The following TSPAN18 variants were observed in gnomAD, a reference collection of about 807,000 sequenced individuals.
TSPAN18 encodes the protein tetraspanin 18.
A neutral mutation model predicts 27.3 loss-of-function variants in TSPAN18; 14 were observed. That is an observed-to-expected ratio of 0.51 (90% CI 0.34 to 0.80). The LOEUF (loss-of-function observed/expected upper bound fraction) is 0.80. Among genes scored for constraint, TSPAN18 ranks in the 30% least tolerant of loss-of-function variants. TSPAN18 has a pLI of 0.01. For synonymous variants in TSPAN18, 143 were observed against 136.5 expected (o/e 1.05, Z -0.33); for missense variants, 268 against 323.9 (o/e 0.83, Z 1.32).
chr11:44,766,717 A>G (rs1855575796), intron 2 of TSPAN18, among the ~76,000 whole-genome samples: 2 of 152,250 alleles, frequency 1.3e-5, no homozygotes, highest in South Asian at 4.1e-4. Context: ...TAAACATTAT[A>G]GCATCACAGG....
intron 2 of TSPAN18, among the ~76,000 whole-genome samples, chr11:44,804,142 G>A (rs1856541818): frequency 6.6e-6 from 1 of 150,982 alleles, no homozygotes; most frequent in Admixed American, 6.6e-5. Flanking sequence ...TCGCTCTGTC[G>A]CCCAGAGCTG....
At chr11:44,763,964 A>G (rs781778554) in intron 1 of TSPAN18, among the ~76,000 whole-genome samples, 8 of 152,170 alleles carry the variant, frequency 5.3e-5, no homozygotes, top group Non-Finnish European at 1.0e-4. Context: ...GCATGACAGC[A>G]TCTGCTTCTG....
At chr11:44,731,633 T>TGTGTGTGTGTGAGAGAGAGAGAGAGA (rs139154582) in intron 1 of TSPAN18, among the ~76,000 whole-genome samples, 1 of 107,384 alleles carries the variant, frequency 9.3e-6, no homozygotes, top group African/African-American at 3.5e-5. Context: ...TGTGTGTGTG[T>TGTGTGTGTGTGAGAGAGAGAGAGAGA]GAGAGAGAGA....
At chr11:44,847,788 A>T (rs1320128103) in intron 2 of TSPAN18, among the ~76,000 whole-genome samples, 1 of 152,122 alleles carries the variant, frequency 6.6e-6, no homozygotes, top group Non-Finnish European at 1.5e-5. Flanking sequence ...AGGGGTTTGA[A>T]GATTAAATGA....
At chr11:44,788,451 T>C (rs903497339) in intron 2 of TSPAN18, among the ~76,000 whole-genome samples, 2 of 149,096 alleles carry the variant, frequency 1.3e-5, no homozygotes, top group African/African-American at 5.0e-5. Context: ...GTTTTCTTTT[T>C]TTCTCTTTTT....
intron 9 of TSPAN18, 31 bp from the exon 10 acceptor site, chr11:44,929,100 G>A (rs1860474231): frequency 2.5e-6 from 4 of 1,612,364 alleles, no homozygotes; most frequent in Admixed American, 3.3e-5. Context: ...AGCCTGATAA[G>A]CCAGTTCCTG....
intron 3 of TSPAN18, among the ~76,000 whole-genome samples, chr11:44,891,040 A>G (rs1858832669): frequency 6.6e-6 from 1 of 152,110 alleles, no homozygotes. Context: ...GCATAGTGGC[A>G]TGCATCTGGA....
chr11:44,806,499 A>T (rs909335789), intron 2 of TSPAN18, among the ~76,000 whole-genome samples: 1 of 152,194 alleles, frequency 6.6e-6, no homozygotes, highest in African/African-American at 2.4e-5. Flanking sequence ...CTTCAGCTCA[A>T]CTTGCACTAG....
chr11:44,779,912 T>C (rs998969660), intron 2 of TSPAN18, among the ~76,000 whole-genome samples: 1 of 152,136 alleles, frequency 6.6e-6, no homozygotes, highest in Non-Finnish European at 1.5e-5. Flanking sequence ...CCCACATCCC[T>C]GTGCACAACT....
chr11:44,904,122 T>C (rs1293231593), intron 3 of TSPAN18, among the ~76,000 whole-genome samples: 1 of 151,970 alleles, frequency 6.6e-6, no homozygotes, highest in East Asian at 1.9e-4. Context: ...GAGCCTGGAG[T>C]CCCTGGGTCA....
chr11:44,730,459 C>T (rs1854625153), intron 1 of TSPAN18, among the ~76,000 whole-genome samples: 1 of 152,020 alleles, frequency 6.6e-6, no homozygotes, highest in Admixed American at 6.6e-5. Flanking sequence ...CCTTGGAAAC[C>T]AGCACTCTGG....
chr11:44,827,335 C>T (rs1857065246), intron 2 of TSPAN18, among the ~76,000 whole-genome samples: 1 of 152,260 alleles, frequency 6.6e-6, no homozygotes, highest in Non-Finnish European at 1.5e-5. Flanking sequence ...GCCTTGGGTA[C>T]CTTGAGCCAT....
At chr11:44,881,658 T>C (rs1251934974) in intron 3 of TSPAN18, among the ~76,000 whole-genome samples, 3 of 152,156 alleles carry the variant, frequency 2.0e-5, no homozygotes, top group African/African-American at 7.2e-5. Flanking sequence ...TGCCAGGCAC[T>C]GTTCAGACAC....
chr11:44,927,692 A>G (rs1860419067), intron 9 of TSPAN18, among the ~76,000 whole-genome samples: 1 of 152,196 alleles, frequency 6.6e-6, no homozygotes, highest in Admixed American at 6.5e-5. Flanking sequence ...CATGGAGGGC[A>G]ACAATGAACA....
intron 2 of TSPAN18, among the ~76,000 whole-genome samples, chr11:44,796,412 C>T (rs1315580826): frequency 6.6e-6 from 1 of 152,078 alleles, no homozygotes; most frequent in African/African-American, 2.4e-5. Flanking sequence ...CCTCCATTGC[C>T]ATGGAAGAAT....
Position 44,931,849 on chromosome 11 carries a change from TTTC to T in TSPAN18, c.*2674_*2676del, listed in dbSNP as rs1338138683. 6.6e-6 allele frequency: 1 copy of T among 152,128 alleles called. No homozygotes were observed. The highest frequency in any genetic ancestry group is 1.5e-5 in the Non-Finnish European group (1 of 68,052). The allele number at this position is 152,128 out of a possible 1,614,324, so 9.4% of individuals were successfully genotyped here. A position where few individuals can be genotyped will look rare whatever the true frequency, so the allele number is the denominator to read the frequency against. On this transcript the variant is annotated 3_prime_UTR_variant, in exon 10 of 10. Transcript: ENST00000520358. Reference sequence around the variant, plus strand: ...AGGGGTGGGCAGGGATACCTCTTTGTTTCTTTTCACCCCGAAATACAACAGCCC... The same window carrying T: ...AGGGGTGGGCAGGGATACCTCTTTGTTTTTCACCCCGAAATACAACAGCCC...
chr11:44,892,680 G>A (rs2135286539), intron 3 of TSPAN18, among the ~76,000 whole-genome samples: 1 of 152,346 alleles, frequency 6.6e-6, no homozygotes, highest in East Asian at 1.9e-4. Flanking sequence ...CCGGTCTATG[G>A]GGGATGGGAG....
chr11:44,922,611 T>A (rs1860186146), intron 8 of TSPAN18, among the ~76,000 whole-genome samples: 1 of 152,052 alleles, frequency 6.6e-6, no homozygotes, highest in Admixed American at 6.5e-5. Context: ...TTTATACTGG[T>A]GCCAGTGAGA....
At chr11:44,797,451 G>A (rs760020167) in intron 2 of TSPAN18, among the ~76,000 whole-genome samples, 72 of 152,172 alleles carry the variant, frequency 4.7e-4, no homozygotes, top group Non-Finnish European at 6.3e-4. Flanking sequence ...TTATAGGATA[G>A]ATCTGGTGGG....
Sources: gnomAD v4.1 joint callset for allele counts (sites outside exome capture counted in the v4.1 genomes callset) on GRCh38, gnomAD v4.1.1 for gene constraint, MANE v1.5 for transcripts, NCBI Gene and HGNC (gene_info 2026-07-23, HGNC 2026-07-21) for gene names.